The following NEB variants were observed in gnomAD, a reference collection of about 807,000 sequenced individuals.
The protein encoded by NEB is nebulin, also known as nemaline myopathy type 2.
A neutral mutation model predicts 952.2 loss-of-function variants in NEB; 512 were observed. The ratio of observed to expected loss-of-function variants is 0.54; its 90% CI spans 0.50 to 0.58. The LOEUF (loss-of-function observed/expected upper bound fraction) is 0.58. Among genes scored for constraint, NEB ranks in the 20% least tolerant of loss-of-function variants. NEB has a pLI of 0.00. For missense variants in NEB, 8,428 were observed against 9,231.1 expected (o/e 0.91, Z 3.56); for synonymous variants, 2,900 against 3,149.8 (o/e 0.92, Z 2.66).
Position 151,656,304 on chromosome 2 carries a change from G to T in NEB, c.6344C>A (p.Thr2115Asn), listed in dbSNP as rs764635440. 1.9e-6 allele frequency: 3 copies of T among 1,613,732 alleles called. No individual in the cohort carries two copies. The highest frequency in any genetic ancestry group is 1.1e-5 in the South Asian group (1 of 91,062). Reference sequence around the variant, plus strand: ...CGTGACACTGAGCATGTCGGCAGGGGTGTGGTAGCTGGTCTTTGTGTTCTC... The same window carrying T: ...CGTGACACTGAGCATGTCGGCAGGGTTGTGGTAGCTGGTCTTTGTGTTCTC... ...NYENTKTSYH[T>N]PADMLSVTAA... is the part of the protein sequence containing the mutation. The change falls in exon 49 of 182, where the codon ACC becomes AAC. Residue 2115 changes from threonine (T) to asparagine (N), a missense_variant. Transcript: ENST00000397345.
intron 159 of NEB, 30 bp from the exon 160 acceptor site, chr2:151,513,723 G>T (rs755736894): frequency 7.0e-7 from 1 of 1,423,894 alleles, no homozygotes; most frequent in South Asian, 1.2e-5. Context: ...AAAAAAAAAG[G>T]TACCTAAATG....
intron 56 of NEB, 93 bp downstream of exon 56, chr2:151,644,375 C>T (rs2098927288): frequency 3.2e-6 from 4 of 1,248,980 alleles, no homozygotes; most frequent in African/African-American, 1.5e-5. Flanking sequence ...AATTTGTTAC[C>T]CCTTAGATTT....
rs1345567872 is a variant in NEB at position 151,524,320 on chromosome 2, C to T, written c.22470G>A (p.Leu7490=). The change falls in exon 153 of 182, where the codon CTG becomes CTA. Residue 7490 remains leucine, a synonymous_variant. Transcript: ENST00000397345. The stretch of plus-strand genomic sequence containing the variant: ...CACCCATCTGCATTACCTGGCTGCT[C>T]AGCTTGGCTGCCTTCTTGGCCATTT... ...DIEMAKKAAK[L]SSQVKYRENF... The T allele has an allele frequency of 3.1e-6, 5 of 1,613,780 alleles. No individual in the cohort carries two copies. Among genetic ancestry groups the T allele is most frequent in the Non-Finnish European group, 4.2e-6 (5 of 1,179,834 alleles).
intron 68 of NEB, among the ~76,000 whole-genome samples, chr2:151,629,272 T>C (rs909594239): frequency 1.3e-5 from 2 of 152,318 alleles, no homozygotes; most frequent in Admixed American, 6.5e-5. Flanking sequence ...TAATTGTAGA[T>C]ATGAAAAATT....
At chr2:151,573,582 A>C (rs1372017984) in intron 107 of NEB, among the ~76,000 whole-genome samples, 1 of 152,234 alleles carries the variant, frequency 6.6e-6, no homozygotes, top group Admixed American at 6.5e-5. Context: ...TTAGTCCCCA[A>C]GTGGCTCATT....
In NEB at chr2:151,525,960, C is replaced by G. The variant is rs770527289; in HGVS notation, c.22159G>C (p.Asp7387His). The change falls in exon 150 of 182, where the codon GAT becomes CAT. Residue 7387 changes from aspartate to histidine, a missense_variant and splice_region_variant. By Grantham distance (81) the Asp-to-His change is moderately conservative (BLOSUM62 -1). Coordinates refer to ENST00000397345, the MANE Select transcript of NEB (RefSeq NM_001164508.2). ...HVKEVTKHVSDTNYKKKFVKE... is the reference protein window; with the variant it reads ...HVKEVTKHVSHTNYKKKFVKE... Reference sequence around the variant, plus strand: ...GAGACCGGTGGTTGATCACTTACATCACTGACATGCTTGGTCACTTCCTTG... The same window carrying G: ...GAGACCGGTGGTTGATCACTTACATGACTGACATGCTTGGTCACTTCCTTG... 62 of 1,612,782 alleles carry G rather than the reference C, an allele frequency of 3.8e-5. No individual in the cohort carries two copies. The highest frequency in any genetic ancestry group is 5.3e-5 in the Non-Finnish European group (62 of 1,178,770).
chr2:151,609,720 C>T (rs566164056), intron 81 of NEB, 89 bp downstream of exon 81: 163 of 1,314,396 alleles, frequency 1.2e-4, no homozygotes, highest in Non-Finnish European at 1.7e-4. Context: ...CAGTGCACAG[C>T]CCAGGGGACT....
intron 144 of NEB, 40 bp from the exon 145 acceptor site, chr2:151,531,141 C>T (rs1193967489): frequency 4.7e-6 from 6 of 1,283,168 alleles, no homozygotes; most frequent in Non-Finnish European, 5.6e-6. Context: ...TGTCATGCTT[C>T]TCAATGTATA....
Position 151,565,116 on chromosome 2 carries a change from C to G in NEB, c.18399G>C (p.Lys6133Asn). Reference protein sequence around the residue: ...VKYKETFNKAKGKYTFSPDTP... With the variant: ...VKYKETFNKANGKYTFSPDTP... ...TATCTGGTGAAAACGTATATTTGCC[C>G]TTTGCTTTATTAAATGTTTCTTTAT... is the stretch of plus-strand genomic sequence containing the variant. The change falls in exon 117 of 182, where the codon AAG (lysine) becomes AAC (asparagine). Residue 6133 changes from lysine (K) to asparagine (N), a missense_variant. Physicochemically the swap from Lys to Asn is moderately conservative, Grantham distance 94. Coordinates refer to ENST00000397345, the MANE Select transcript of NEB (RefSeq NM_001164508.2). 6.3e-7 allele frequency: 1 copy of G among 1,592,466 alleles called. No homozygotes were observed. Among genetic ancestry groups the G allele is most frequent in the Non-Finnish European group, 8.6e-7 (1 of 1,164,462 alleles).
At chr2:151,514,970 TTATTACAA>T in intron 157 of NEB, 42 bp from the exon 158 acceptor site, 1 of 1,287,764 alleles carries the variant, frequency 7.8e-7, no homozygotes, top group African/African-American at 1.5e-5. Flanking sequence ...AAAAAAATCT[TTATTACAA>T]TATATCTCTC....
intron 105 of NEB, among the ~76,000 whole-genome samples, chr2:151,578,663 C>T (rs1489910533): frequency 7.6e-6 from 1 of 131,986 alleles, no homozygotes; most frequent in Non-Finnish European, 1.6e-5. Flanking sequence ...GGGAAAGAGA[C>T]AAGGAGGGAA....
At position 151,625,526 on chromosome 2, in the gene NEB, G is replaced by T; in HGVS notation, c.10452+8C>A. On this transcript the variant is annotated splice_region_variant and intron_variant, in intron 71 of 181. Coordinates refer to ENST00000397345, the MANE Select transcript of NEB (RefSeq NM_001164508.2). ...GCCAGACCAAAGAAATAAAACAAATGATCTTACCTCACTATAATTTATTTT... is the reference window on the plus strand; with the variant it reads ...GCCAGACCAAAGAAATAAAACAAATTATCTTACCTCACTATAATTTATTTT... The T allele has an allele frequency of 6.4e-7, 1 of 1,561,112 alleles. No individual in the cohort carries two copies. Among genetic ancestry groups the T allele is most frequent in the South Asian group, 1.1e-5 (1 of 87,086 alleles).
intron 63 of NEB, among the ~76,000 whole-genome samples, chr2:151,637,571 C>T (rs530489622): frequency 9.9e-5 from 15 of 152,082 alleles, no homozygotes; most frequent in Non-Finnish European, 1.0e-4. Flanking sequence ...TAGGGGGTTG[C>T]GGGCAAAATG....
intron 181 of NEB, among the ~76,000 whole-genome samples, chr2:151,488,195 T>G (rs1014149525): frequency 6.6e-6 from 1 of 152,136 alleles, no homozygotes; most frequent in African/African-American, 2.4e-5. Context: ...TTTTCAATAT[T>G]AATATTTTTG....
chr2:151,530,691 T>G (rs2090189767), intron 145 of NEB: 3 of 251,844 alleles, frequency 1.2e-5, no homozygotes, highest in Non-Finnish European at 2.3e-5. Flanking sequence ...GGTTCCTGTC[T>G]CGTCTACACA....
chr2:151,537,371 T>C (rs1576679373), intron 140 of NEB, 135 bp from the exon 141 acceptor site: 6 of 572,650 alleles, frequency 1.0e-5, no homozygotes, highest in Admixed American at 6.0e-5. Flanking sequence ...AAACAATTAT[T>C]TAAAAGACAT....
At chr2:151,538,419 GA>G (rs2093554478) in intron 138 of NEB, among the ~76,000 whole-genome samples, 175 bp from the exon 139 acceptor site, 1 of 152,132 alleles carries the variant, frequency 6.6e-6, no homozygotes, top group African/African-American at 2.4e-5. Flanking sequence ...GAAAACTAAT[GA>G]AATCCAAAGC....
rs928603766 is a variant in NEB at position 151,492,091 on chromosome 2, C to T, written c.25057+7G>A. 3.1e-6 allele frequency: 5 copies of T among 1,613,506 alleles called. No homozygotes were observed. Among genetic ancestry groups the T allele is most frequent in the Non-Finnish European group, 4.2e-6 (5 of 1,179,618 alleles). ...TTAATCCCCTCCCCCAACCCAGGCT[C>T]AGTTACCTGTAATAGTCTCCTGATC... On this transcript the variant is annotated splice_region_variant and intron_variant, in intron 178 of 181. Coordinates refer to ENST00000397345, the MANE Select transcript of NEB (RefSeq NM_001164508.2).
chr2:151,643,393 T>A, intron 57 of NEB, 40 bp from the exon 58 acceptor site: 1 of 1,509,554 alleles, frequency 6.6e-7, no homozygotes, highest in East Asian at 2.3e-5. Context: ...ATTAAATCAT[T>A]TATCACAATT....
Sources: allele counts gnomAD v4.1 joint callset (sites outside exome capture counted in the v4.1 genomes callset), GRCh38; gene constraint gnomAD v4.1.1; transcripts MANE v1.5; gene names NCBI Gene and HGNC (gene_info 2026-07-23, HGNC 2026-07-21).